TET1: variants seen among roughly 807,000 people sequenced by gnomAD.
TET1 encodes tet methylcytosine dioxygenase 1, also known as methylcytosine dioxygenase TET1.
TET1 carries 13 observed loss-of-function variants against 148.7 expected under a neutral mutation model. The ratio of observed to expected loss-of-function variants is 0.09; its 90% CI spans 0.06 to 0.14. The LOEUF is 0.14. Ranked by LOEUF, TET1 falls within the 10% of genes least tolerant of loss-of-function variation. The pLI, the probability that TET1 is intolerant of heterozygous loss-of-function variation, is 1.00. For missense variants in TET1, 2,182 were observed against 2,553.8 expected (o/e 0.85, Z 3.14); for synonymous variants, 907 against 937.2 (o/e 0.97, Z 0.59).
intron 3 of TET1, among the ~76,000 whole-genome samples, chr10:68,618,501 A>G (rs184972590): frequency 1.3e-5 from 2 of 152,326 alleles, no homozygotes; most frequent in Non-Finnish European, 2.9e-5. Context: ...CTGAAAGTCA[A>G]TGGAGATAAA....
rs879818639 is a variant in TET1 at position 68,622,207 on chromosome 10, TTCCTTCCTTCCTTCCC to T, written c.1968+21182_1968+21197del. Among the ~76,000 whole-genome samples the T allele has an allele frequency of 5.8e-3, 787 of 136,148 alleles. 11 individuals carry two copies. The highest frequency in any genetic ancestry group is 9.8e-3 in the Non-Finnish European group (619 of 62,918). 89.3% of individuals were successfully genotyped at this position (136,148 alleles called of 152,430 possible). A position where few individuals can be genotyped will look rare whatever the true frequency, so the allele number is the denominator to read the frequency against. ...CTTCCTTCCTTCCTTCCTTCCTTCC[TTCCTTCCTTCCTTCCC>T]TCCTTCCTCCCTTCCCTCCCTCCCT... On this transcript the variant is annotated intron_variant, in intron 3 of 11. Coordinates refer to ENST00000373644, the MANE Select transcript of TET1 (RefSeq NM_030625.3).
intron 6 of TET1, among the ~76,000 whole-genome samples, chr10:68,661,718 C>G (rs970713060): frequency 2.6e-5 from 4 of 151,880 alleles, no homozygotes; most frequent in African/African-American, 9.7e-5. Context: ...CTCCTGGGCT[C>G]AAGAAATCCT....
At chr10:68,597,258 T>C (rs1227913560) in intron 2 of TET1, among the ~76,000 whole-genome samples, 1 of 151,988 alleles carries the variant, frequency 6.6e-6, no homozygotes, top group Non-Finnish European at 1.5e-5. Context: ...GGTCTTGAAC[T>C]CCTGACCTGA....
At chr10:68,654,961 T>C (rs2055000448) in intron 6 of TET1, among the ~76,000 whole-genome samples, 1 of 152,158 alleles carries the variant, frequency 6.6e-6, no homozygotes, top group South Asian at 2.1e-4. Context: ...CTCCTCATCT[T>C]AAATGTTTTC....
At chr10:68,595,955 T>C (rs1485952917) in intron 2 of TET1, among the ~76,000 whole-genome samples, 1 of 33,440 alleles carries the variant, frequency 3.0e-5, no homozygotes, top group Non-Finnish European at 6.3e-5. Context: ...TATATATATA[T>C]ATATATACAC....
At chr10:68,576,572 G>A (rs2133696243) in intron 2 of TET1, among the ~76,000 whole-genome samples, 1 of 152,160 alleles carries the variant, frequency 6.6e-6, no homozygotes, top group Admixed American at 6.5e-5. Flanking sequence ...TGCAGTGAGA[G>A]GATCGCCTGA....
intron 2 of TET1, among the ~76,000 whole-genome samples, chr10:68,581,867 C>T (rs757808399): frequency 1.3e-5 from 2 of 151,530 alleles, no homozygotes; most frequent in Non-Finnish European, 2.9e-5. Flanking sequence ...AATCTAAAGT[C>T]GTGGACTATA....
intron 1 of TET1, among the ~76,000 whole-genome samples, chr10:68,564,435 CA>C: frequency 6.6e-6 from 1 of 151,762 alleles, no homozygotes; most frequent in Non-Finnish European, 1.5e-5. Context: ...AGGTGTGAGC[CA>C]CCACGCCTGG....
chr10:68,601,124 T>G, intron 3 of TET1, 90 bp downstream of exon 3: 3 of 1,136,198 alleles, frequency 2.6e-6, no homozygotes, highest in Non-Finnish European at 3.8e-6. Flanking sequence ...GTACAGTATA[T>G]GTGAATTCTC....
At chr10:68,572,099 C>G in intron 1 of TET1, 118 bp from the exon 2 acceptor site, 1 of 413,926 alleles carries the variant, frequency 2.4e-6, no homozygotes, top group Admixed American at 4.3e-5. Context: ...GCCTGGGCAA[C>G]AGAATGAGAC....
intron 3 of TET1, among the ~76,000 whole-genome samples, chr10:68,611,708 CT>C (rs1185340921): frequency 1.6e-4 from 21 of 135,274 alleles, no homozygotes; most frequent in Admixed American, 2.2e-4. Flanking sequence ...CTTTTTCTTT[CT>C]TTTTTTTTTA....
intron 2 of TET1, among the ~76,000 whole-genome samples, chr10:68,596,788 A>G (rs554347785): frequency 6.6e-6 from 1 of 152,120 alleles, no homozygotes; most frequent in Non-Finnish European, 1.5e-5. Flanking sequence ...TATAGCTAGG[A>G]TGAGCCTTGG....
At chr10:68,636,670 A>G (rs747199883) in intron 3 of TET1, among the ~76,000 whole-genome samples, 24 of 152,176 alleles carry the variant, frequency 1.6e-4, no homozygotes, top group Non-Finnish European at 3.1e-4. Flanking sequence ...TGAAAAGGAA[A>G]GAAGCCTGGC....
intron 2 of TET1, among the ~76,000 whole-genome samples, chr10:68,595,670 G>A (rs2053970294): frequency 7.6e-6 from 1 of 130,748 alleles, no homozygotes; most frequent in African/African-American, 2.9e-5. Context: ...AGGCTGGAGT[G>A]CGGTGGTGTG....
At chr10:68,625,389 CAGG>C (rs2054463230) in intron 3 of TET1, among the ~76,000 whole-genome samples, 1 of 152,170 alleles carries the variant, frequency 6.6e-6, no homozygotes, top group Admixed American at 6.5e-5. Context: ...CTTCATCACA[CAGG>C]AGCCTTGGGG....
intron 3 of TET1, among the ~76,000 whole-genome samples, chr10:68,610,919 C>T (rs1215244944): frequency 6.6e-6 from 1 of 152,152 alleles, no homozygotes; most frequent in Non-Finnish European, 1.5e-5. Context: ...GCACTACAGG[C>T]ATGAGCTACC....
At position 68,691,958 on chromosome 10, in the gene TET1, G is replaced by T; in HGVS notation, c.*144G>T. 1.0e-6 allele frequency: 1 copy of T among 995,562 alleles called. No homozygotes were observed. The highest frequency in any genetic ancestry group is 1.4e-6 in the Non-Finnish European group (1 of 692,598). The allele number at this position is 995,562 out of a possible 1,614,324, so 61.7% of individuals were successfully genotyped here. ...AAAAAATAATAATGATAACAAAACG[G>T]GGTGGGTATTCTTAACTGTGACTAT... On this transcript the variant is annotated 3_prime_UTR_variant, in exon 12 of 12. Transcript: ENST00000373644. The surrounding 1 kb of genome is among the most constrained non-coding windows in gnomAD (Gnocchi z 4.4).
intron 2 of TET1, among the ~76,000 whole-genome samples, chr10:68,593,137 C>A (rs2053937289): frequency 1.4e-5 from 2 of 146,830 alleles, no homozygotes; most frequent in Non-Finnish European, 3.0e-5. Context: ...GAGGCTGAGG[C>A]AGGAGAATCG....
intron 10 of TET1, among the ~76,000 whole-genome samples, chr10:68,684,500 G>A (rs2055483194): frequency 6.6e-6 from 1 of 151,850 alleles, no homozygotes; most frequent in South Asian, 2.1e-4. Flanking sequence ...GCCAGGCAGT[G>A]GTTCATCACC....
Sources: gnomAD v4.1 joint callset for allele counts (sites outside exome capture counted in the v4.1 genomes callset) on GRCh38, gnomAD v4.1.1 for gene constraint, Gnocchi (gnomAD v3.1) non-coding constraint, MANE v1.5 for transcripts, NCBI Gene and HGNC (gene_info 2026-07-23, HGNC 2026-07-21) for gene names.